The following NUDT21 variants were observed in gnomAD, a reference collection of about 807,000 sequenced individuals.
NUDT21 encodes the protein cleavage and polyadenylation specificity factor subunit 5.
A neutral mutation model predicts 29.8 loss-of-function variants in NUDT21; 5 were observed. The ratio of observed to expected loss-of-function variants is 0.17; its 90% CI spans 0.09 to 0.35. The LOEUF is 0.35. Ranked by LOEUF, NUDT21 falls within the 10% of genes least tolerant of loss-of-function variation. The pLI, the probability that NUDT21 is intolerant of heterozygous loss-of-function variation, is 1.00. For missense variants in NUDT21, 76 were observed against 276.0 expected (o/e 0.28, Z 5.13); for synonymous variants, 113 against 98.5 (o/e 1.15, Z -0.87).
intron 4 of NUDT21, chr16:56,439,373 A>G: frequency 3.2e-6 from 1 of 311,002 alleles, no homozygotes; most frequent in South Asian, 3.4e-5. Flanking sequence ...AGCTTTCACC[A>G]TGTTGGCCAG....
intron 6 of NUDT21, 146 bp downstream of exon 6, chr16:56,434,185 T>C (rs1166474210): frequency 2.2e-5 from 14 of 632,272 alleles, no homozygotes; most frequent in South Asian, 1.5e-4. Flanking sequence ...AATTAATCTA[T>C]GGCTTGCACA....
At chr16:56,437,903 T>C (rs1386194389) in intron 4 of NUDT21, among the ~76,000 whole-genome samples, 1 of 152,196 alleles carries the variant, frequency 6.6e-6, no homozygotes, top group African/African-American at 2.4e-5. Flanking sequence ...TTTTTTTTTC[T>C]ACACAAACCA....
chr16:56,442,779 G>C (rs1962174027), intron 3 of NUDT21, among the ~76,000 whole-genome samples: 1 of 152,086 alleles, frequency 6.6e-6, no homozygotes, highest in Non-Finnish European at 1.5e-5. Context: ...CTTCTAGAAT[G>C]ACCCACTAAT....
chr16:56,451,060 T>A, intron 1 of NUDT21, 27 bp downstream of exon 1: 1 of 1,594,144 alleles, frequency 6.3e-7, no homozygotes, highest in Non-Finnish European at 8.6e-7. Flanking sequence ...ACGAGAGAAA[T>A]GCCCGCCAAG....
intron 1 of NUDT21, 112 bp downstream of exon 1, chr16:56,450,975 T>C: frequency 1.3e-6 from 1 of 796,548 alleles, no homozygotes; most frequent in South Asian, 1.6e-5. Flanking sequence ...CAGCGGGAGT[T>C]GGAGGCGGGG....
intron 3 of NUDT21, among the ~76,000 whole-genome samples, chr16:56,443,483 A>G (rs1962182908): frequency 1.3e-5 from 2 of 152,108 alleles, no homozygotes; most frequent in African/African-American, 2.4e-5. Flanking sequence ...CCAGGACTAC[A>G]TTATTTCTAT....
Position 56,430,212 on chromosome 16 carries a change from T to TA in NUDT21, c.*2499dup, listed in dbSNP as rs1567536526. 1 of 152,228 alleles carries TA rather than the reference T, an allele frequency of 6.6e-6. No homozygotes were observed. Among genetic ancestry groups the TA allele is most frequent in the Non-Finnish European group, 1.5e-5 (1 of 68,040 alleles). The allele number at this position is 152,228 out of a possible 1,614,324, so 9.4% of individuals were successfully genotyped here. A position where few individuals can be genotyped will look rare whatever the true frequency, so the allele number is the denominator to read the frequency against. ...CCATTTTAAGTATTATCTACTTTTT[T>TA]AAAAAATCACAGTGGTCTTCATCAC... On this transcript the variant is annotated 3_prime_UTR_variant, in exon 7 of 7. Coordinates refer to ENST00000300291, the MANE Select transcript of NUDT21 (RefSeq NM_007006.3).
chr16:56,436,814 C>T (rs1011795008), intron 4 of NUDT21, among the ~76,000 whole-genome samples: 1 of 151,436 alleles, frequency 6.6e-6, no homozygotes, highest in Non-Finnish European at 1.5e-5. Flanking sequence ...CTAACTAATA[C>T]TCTAGGCTTC....
chr16:56,434,995 T>C (rs1962079984), intron 4 of NUDT21, 166 bp from the exon 5 acceptor site: 1 of 449,204 alleles, frequency 2.2e-6, no homozygotes, highest in Non-Finnish European at 3.9e-6. Flanking sequence ...CTTTAATGCA[T>C]ATAAAATAAC....
In NUDT21 at chr16:56,450,456, C is replaced by T. The variant is rs1476806782; in HGVS notation, c.116+631G>A. On this transcript the variant is annotated intron_variant, in intron 1 of 6. Coordinates refer to ENST00000300291, the MANE Select transcript of NUDT21 (RefSeq NM_007006.3). ...GCCCAACCATAGCAGCATCCTTACT[C>T]CCAAGGAGGGGCCTACTTGTGGTGC... Among the ~76,000 whole-genome samples the T allele has an allele frequency of 2.0e-5, 3 of 152,190 alleles. No homozygotes were observed. The East Asian group carries it at 5.8e-4, about 29-fold the overall frequency.
At chr16:56,439,786 G>T (rs767548283) in intron 3 of NUDT21, 40 bp from the exon 4 acceptor site, 1 of 1,474,132 alleles carries the variant, frequency 6.8e-7, no homozygotes, top group Non-Finnish European at 9.5e-7. Context: ...CTAAATATAT[G>T]TACTCACAAA....
intron 4 of NUDT21, among the ~76,000 whole-genome samples, chr16:56,436,970 A>C (rs1307627543): frequency 2.0e-5 from 3 of 152,232 alleles, no homozygotes; most frequent in Non-Finnish European, 4.4e-5. Context: ...CACTGGGGTC[A>C]CTACTAAGCA....
In NUDT21 at chr16:56,451,290, T is replaced by C. The variant is rs1272919087; in HGVS notation, c.-88A>G. 6.8e-6 allele frequency: 7 copies of C among 1,035,358 alleles called. No individual in the cohort carries two copies. The East Asian group carries it at 1.2e-4, about 18-fold the overall frequency. 64.1% of individuals were successfully genotyped at this position (1,035,358 alleles called of 1,614,324 possible). ...CGGGAAGCGGTTATCTGCAATCCCC[T>C]CAGCGGCTACTGCCCGCCATTAACA... On this transcript the variant is annotated 5_prime_UTR_variant, in exon 1 of 7. An upstream open reading frame in the 5' UTR loses its in-frame stop. Transcript: ENST00000300291.
chr16:56,446,115 T>C (rs1315689894), intron 3 of NUDT21, among the ~76,000 whole-genome samples: 1 of 152,212 alleles, frequency 6.6e-6, no homozygotes, highest in Non-Finnish European at 1.5e-5. Flanking sequence ...AGTCTTTACA[T>C]GCAGGCATTA....
At chr16:56,441,524 C>T (rs984786532) in intron 3 of NUDT21, among the ~76,000 whole-genome samples, 1 of 152,188 alleles carries the variant, frequency 6.6e-6, no homozygotes, top group African/African-American at 2.4e-5. Flanking sequence ...TGAGCCACTG[C>T]GCCTGGCCTC....
intron 3 of NUDT21, 104 bp downstream of exon 3, chr16:56,446,522 T>C: frequency 1.6e-6 from 1 of 615,472 alleles, no homozygotes; most frequent in South Asian, 2.3e-5. Flanking sequence ...AAGTTGTATT[T>C]ATTGAAAACT....
At chr16:56,446,329 T>C (rs1167234433) in intron 3 of NUDT21, among the ~76,000 whole-genome samples, 3 of 152,144 alleles carry the variant, frequency 2.0e-5, no homozygotes, top group Non-Finnish European at 2.9e-5. Context: ...CTTCCTACAG[T>C]TGTGGTGGTG....
At chr16:56,436,763 G>A (rs907283176) in intron 4 of NUDT21, among the ~76,000 whole-genome samples, 1 of 152,132 alleles carries the variant, frequency 6.6e-6, no homozygotes, top group Non-Finnish European at 1.5e-5. Flanking sequence ...TATACAAAAA[G>A]ACTGAGATAG....
intron 6 of NUDT21, 44 bp from the exon 7 acceptor site, chr16:56,432,777 A>G: frequency 7.4e-7 from 1 of 1,358,004 alleles, no homozygotes; most frequent in South Asian, 1.2e-5. Flanking sequence ...GACAGTACAT[A>G]CTACTTTCCA....
Sources: gnomAD v4.1 joint callset for allele counts (sites outside exome capture counted in the v4.1 genomes callset) on GRCh38, gnomAD v4.1.1 for gene constraint, MANE v1.5 for transcripts, NCBI Gene and HGNC (gene_info 2026-07-23, HGNC 2026-07-21) for gene names.